ASIC2: variants seen among roughly 807,000 people sequenced by gnomAD.
ASIC2 encodes the protein acid-sensing ion channel 2.
In ASIC2, 25 loss-of-function variants were observed where a neutral mutation model predicts 57.3. That is an observed-to-expected ratio of 0.44 (90% confidence interval 0.32 to 0.61). The LOEUF is 0.61. Ranked by LOEUF, ASIC2 falls within the 20% of genes least tolerant of loss-of-function variation. The pLI is 0.06. For missense variants in ASIC2, 641 were observed against 738.1 expected, an observed-to-expected ratio of 0.87 and a Z score of 1.52; for synonymous variants, 319 against 307.5, an observed-to-expected ratio of 1.04 and a Z score of -0.39.
In ASIC2 at chr17:33,088,339, T is replaced by C. The variant is rs142583472; in HGVS notation, c.987+524A>G. Among the ~76,000 whole-genome samples, 161 of 152,260 alleles carry C rather than the reference T, an allele frequency of 1.1e-3. 1 individual carries two copies. The Middle Eastern group carries it at 0.02, about 19-fold the overall frequency. On this transcript the variant is annotated intron_variant, in intron 3 of 9. Coordinates refer to ENST00000225823, the MANE Select transcript of ASIC2 (RefSeq NM_183377.2). Reference sequence around the variant, plus strand: ...GTCCTCCCTCCACCCACAGACAGAATTGATGCAGCAGTCCCAGCTGGCCAG... The same window carrying C: ...GTCCTCCCTCCACCCACAGACAGAACTGATGCAGCAGTCCCAGCTGGCCAG...
intron 1 of ASIC2, among the ~76,000 whole-genome samples, chr17:33,387,300 C>G (rs1279498691): frequency 6.6e-6 from 1 of 152,208 alleles, no homozygotes; most frequent in African/African-American, 2.4e-5. Context: ...AGGAACTCAT[C>G]AAAGGATTCA....
chr17:33,788,597 T>C (rs1203224907), intron 1 of ASIC2, among the ~76,000 whole-genome samples: 3 of 152,196 alleles, frequency 2.0e-5, no homozygotes, highest in Non-Finnish European at 2.9e-5. Context: ...TAAAGACTCA[T>C]GGACGCATAT....
chr17:33,995,840 C>T (rs1906142262), intron 1 of ASIC2, among the ~76,000 whole-genome samples: 1 of 152,108 alleles, frequency 6.6e-6, no homozygotes, highest in African/African-American at 2.4e-5. Flanking sequence ...CTTCAACATA[C>T]AGATTTTATT....
intron 1 of ASIC2, among the ~76,000 whole-genome samples, chr17:34,151,572 A>G (rs890754934): frequency 6.6e-6 from 1 of 152,198 alleles, no homozygotes; most frequent in Admixed American, 6.5e-5. Flanking sequence ...GGAAGCCAAG[A>G]TGGTGGGTAA....
intron 1 of ASIC2, among the ~76,000 whole-genome samples, chr17:33,270,130 T>C (rs1006849241): frequency 6.6e-6 from 1 of 152,250 alleles, no homozygotes; most frequent in African/African-American, 2.4e-5. Flanking sequence ...ACTAATTCAT[T>C]GCAAAGTCAA....
chr17:33,520,922 C>T (rs56308205), intron 1 of ASIC2, among the ~76,000 whole-genome samples: 25,941 of 152,056 alleles, frequency 0.17, 2,392 homozygotes, highest in East Asian at 0.3. Context: ...GCCTCACCTG[C>T]CTGGGTGTGT....
At chr17:34,100,064 C>A (rs947740958) in intron 1 of ASIC2, among the ~76,000 whole-genome samples, 1 of 152,166 alleles carries the variant, frequency 6.6e-6, no homozygotes, top group Non-Finnish European at 1.5e-5. Flanking sequence ...TTCTCTCACC[C>A]CAGGAACCGC....
chr17:33,987,210 A>G (rs916896624), intron 1 of ASIC2, among the ~76,000 whole-genome samples: 5 of 152,168 alleles, frequency 3.3e-5, no homozygotes, highest in African/African-American at 1.2e-4. Context: ...GGCAAGGTGC[A>G]GTTTTGAACC....
chr17:33,291,797 G>T lies in ASIC2; in HGVS notation c.319C>A (p.Arg107Ser), dbSNP rs1036926363. ...FGLLLSWSSN[R>S]LLYWLSFPSH... ...GGGAAGCTGAGCCAGTAGAGCAAGC[G>T]GTTCGAGGACCAGGACAGCAGCAAG... Residue 107 changes from arginine (R) to serine (S), a missense_variant, in exon 1 of 10, where the codon CGC (arginine) becomes AGC (serine). Arg to Ser is a moderately radical substitution (Grantham distance 110). This residue lies in a region of ASIC2 where 382 missense variants were observed against 398.0 expected (regional missense o/e 0.96). Transcript: ENST00000225823. The T allele has an allele frequency of 6.2e-7, 1 of 1,613,646 alleles. No homozygotes were observed. Among genetic ancestry groups the T allele is most frequent in the Non-Finnish European group, 8.5e-7 (1 of 1,179,872 alleles).
intron 1 of ASIC2, among the ~76,000 whole-genome samples, chr17:33,784,535 A>G (rs1911549295): frequency 6.6e-6 from 1 of 152,250 alleles, no homozygotes. Context: ...GCCCAAATTA[A>G]AAAGGAAAGA....
intron 1 of ASIC2, among the ~76,000 whole-genome samples, chr17:33,352,732 G>A (rs1908232668): frequency 2.0e-5 from 3 of 152,100 alleles, no homozygotes; most frequent in Admixed American, 2.0e-4. Flanking sequence ...GTTTCAGTGT[G>A]CAAGGTGCAT....
At chr17:34,038,144 A>G (rs1466466671) in intron 1 of ASIC2, 1 of 1,612,932 alleles carries the variant, frequency 6.2e-7, no homozygotes, top group Non-Finnish European at 8.5e-7. Flanking sequence ...ATTTTCTAAA[A>G]GAATATTACC....
intron 2 of ASIC2, among the ~76,000 whole-genome samples, chr17:33,100,824 G>C (rs1003734384): frequency 1.3e-5 from 2 of 152,198 alleles, no homozygotes; most frequent in African/African-American, 4.8e-5. Flanking sequence ...CTGCTTCCTA[G>C]CTGTTCTCCT....
chr17:33,213,755 C>T (rs1474760838), intron 1 of ASIC2, among the ~76,000 whole-genome samples: 1 of 152,116 alleles, frequency 6.6e-6, no homozygotes, highest in Non-Finnish European at 1.5e-5. Context: ...CCAATCTCAC[C>T]GATTCTTAGT....
At chr17:33,821,159 A>G (rs1912735735) in intron 1 of ASIC2, among the ~76,000 whole-genome samples, 2 of 152,082 alleles carry the variant, frequency 1.3e-5, no homozygotes, top group African/African-American at 4.8e-5. Context: ...ATAGCCCTGA[A>G]TCTCTTTCTT....
intron 3 of ASIC2, among the ~76,000 whole-genome samples, chr17:33,080,453 C>A (rs1226670535): frequency 1.3e-5 from 2 of 152,056 alleles, no homozygotes; most frequent in East Asian, 1.9e-4. Context: ...GTACTGCAGG[C>A]CCCCCTTATC....
intron 1 of ASIC2, among the ~76,000 whole-genome samples, chr17:33,311,014 C>T (rs557132095): frequency 6.6e-6 from 1 of 152,238 alleles, no homozygotes; most frequent in South Asian, 2.1e-4. Context: ...ACAGACCTGC[C>T]AGAGCCCCTC....
intron 1 of ASIC2, among the ~76,000 whole-genome samples, chr17:33,553,691 G>C (rs1227714630): frequency 2.0e-5 from 3 of 152,090 alleles, no homozygotes; most frequent in Non-Finnish European, 4.4e-5. Flanking sequence ...CATGTGCCAG[G>C]CATGGTACTA....
chr17:33,867,835 A>T (rs999590378), intron 1 of ASIC2, among the ~76,000 whole-genome samples: 7 of 152,176 alleles, frequency 4.6e-5, no homozygotes, highest in African/African-American at 1.7e-4. Flanking sequence ...GAAAGTGCAA[A>T]AAGAAATGTG....
Sources: gnomAD v4.1 joint callset for allele counts (sites outside exome capture counted in the v4.1 genomes callset) on GRCh38, gnomAD v4.1.1 for gene constraint, gnomAD v4.1.1 regional missense constraint, MANE v1.5 for transcripts, NCBI Gene and HGNC (gene_info 2026-07-23, HGNC 2026-07-21) for gene names.